The following WIZ variants were observed in gnomAD, a reference collection of about 807,000 sequenced individuals.
WIZ encodes the protein protein Wiz.
Under a neutral mutation model 140.2 loss-of-function variants are expected in WIZ, and 25 were observed. The ratio of observed to expected loss-of-function variants is 0.18; its 90% CI spans 0.13 to 0.25. The LOEUF (loss-of-function observed/expected upper bound fraction) is 0.25, where lower values mean the gene tolerates loss of function less well. WIZ is among the 10% of genes least tolerant of loss of function. The pLI is 1.00. For missense variants in WIZ, 2,231 were observed against 2,632.6 expected (o/e 0.85, Z 3.34); for synonymous variants, 1,125 against 1,154.3 (o/e 0.97, Z 0.51).
intron 5 of WIZ, among the ~76,000 whole-genome samples, chr19:15,435,055 C>T (rs557337986): frequency 1.2e-4 from 18 of 152,192 alleles, no homozygotes; most frequent in African/African-American, 3.9e-4. Flanking sequence ...AGTGAAACCT[C>T]GTCACTACTA....
Position 15,421,656 on chromosome 19 carries a change from G to C in WIZ, c.*1420C>G, listed in dbSNP as rs941589511. ...TGTTCCTTGGGTCAGGGGTGCATGT[G>C]TCTCACTAGAAGTCACATGTATTAA... is the stretch of plus-strand genomic sequence containing the variant. On this transcript the variant is annotated 3_prime_UTR_variant, in exon 13 of 13. Transcript: ENST00000673675. The C allele has an allele frequency of 7.2e-5, 11 of 152,204 alleles. No individual in the cohort carries two copies. Among genetic ancestry groups the C allele is most frequent in the African/African-American group, 2.7e-4 (11 of 41,456 alleles). The allele number at this position is 152,204 out of a possible 1,614,324, so 9.4% of individuals were successfully genotyped here. A position where few individuals can be genotyped will look rare whatever the true frequency, so the allele number is the denominator to read the frequency against.
rs1345173312 is a variant in WIZ at position 15,427,055 on chromosome 19, G to A, written c.4293C>T (p.Ala1431=). The stretch of plus-strand genomic sequence containing the variant: ...CAGATGGGTGCAGTTCCCCATGAAG[G>A]GCCCCCGGCAGCATCTCCCGCTTGA... ...VEIKREMLPG[A]LHGELHPSEG... The change falls in exon 9 of 13, where the codon GCC becomes GCT. Residue 1431 remains alanine (A), a synonymous_variant. Coordinates refer to ENST00000673675, the MANE Select transcript of WIZ (RefSeq NM_001371589.1). The surrounding 1 kb of genome is among the most constrained non-coding windows in gnomAD (Gnocchi z 6.4). 2 of 1,614,148 alleles carry A rather than the reference G, an allele frequency of 1.2e-6. No individual in the cohort carries two copies. The highest frequency in any genetic ancestry group is 1.3e-5 in the African/African-American group (1 of 75,038).
intron 5 of WIZ, chr19:15,432,576 G>A: frequency 3.9e-6 from 2 of 517,674 alleles, no homozygotes; most frequent in Middle Eastern, 1.0e-3. Context: ...GTGCCGCGGG[G>A]CCCGGGCTCG....
Position 15,440,253 on chromosome 19 carries a change from G to T in WIZ, c.741C>A (p.Ala247=), listed in dbSNP as rs745633208. 1.0e-3 allele frequency: 1,562 copies of T among 1,492,284 alleles called. 2 individuals are homozygous for T. The highest frequency in any genetic ancestry group is 1.2e-3 in the Non-Finnish European group (1,351 of 1,125,212). The allele number at this position is 1,492,284 out of a possible 1,614,324, so 92.4% of individuals were successfully genotyped here. The change falls in exon 4 of 13, where the codon GCC becomes GCA. Residue 247 remains alanine, a synonymous_variant. Coordinates refer to ENST00000673675, the MANE Select transcript of WIZ (RefSeq NM_001371589.1). The surrounding 1 kb of genome is among the most constrained non-coding windows in gnomAD (Gnocchi z 6.2). The part of the protein sequence containing the change: ...REDLEDLEGL[A]QPSEWGLPTS... ...TGGGTAGGCCCCACTCGGACGGCTG[G>T]GCCAGCCCCTCCAGGTCCTCCAGAT...
Position 15,428,161 on chromosome 19 carries a change from C to A in WIZ, c.3763G>T (p.Ala1255Ser), listed in dbSNP as rs534550387. The change falls in exon 8 of 13, where the codon GCC becomes TCC. Residue 1255 changes from alanine to serine, a missense_variant. Ala to Ser is a moderately conservative substitution (Grantham distance 99, BLOSUM62 1). Coordinates refer to ENST00000673675, the MANE Select transcript of WIZ (RefSeq NM_001371589.1). The surrounding 1 kb of genome is among the most constrained non-coding windows in gnomAD (Gnocchi z 6.4). ...WGKQDLSAAA[A>S]AGIFWASDVE... Reference sequence around the variant, plus strand: ...TCAGAGGCCCAGAAAATGCCGGCGGCTGCGGCGGCCGAGAGGTCCTGCTTC... The same window carrying A: ...TCAGAGGCCCAGAAAATGCCGGCGGATGCGGCGGCCGAGAGGTCCTGCTTC... 6.5e-7 allele frequency: 1 copy of A among 1,534,486 alleles called. No individual in the cohort carries two copies. The highest frequency in any genetic ancestry group is 1.4e-5 in the African/African-American group (1 of 73,096).
At chr19:15,447,978 G>T in intron 2 of WIZ, 125 bp downstream of exon 2, 2 of 1,112,502 alleles carry the variant, frequency 1.8e-6, no homozygotes, top group Non-Finnish European at 1.3e-6. Context: ...ACAAAGAAAA[G>T]GCTCTGGACC....
At position 15,440,532 on chromosome 19, in the gene WIZ, G is replaced by A. The variant is rs1599705024; in HGVS notation, c.462C>T (p.Pro154=). The A allele has an allele frequency of 1.3e-6, 2 of 1,536,166 alleles. No homozygotes were observed. Among genetic ancestry groups the A allele is most frequent in the Non-Finnish European group, 1.7e-6 (2 of 1,146,910 alleles). ...TTCTAGAGCCCTCTAGCTCAGCGTG[G>A]GGTTTCATGGTTCTCACAATGACTG... ...EDSVIVRTMK[P]HAELEGSRRF... Residue 154 remains proline, a synonymous_variant, in exon 4 of 13, where the codon CCC becomes CCT. Transcript: ENST00000673675. The surrounding 1 kb of genome is among the most constrained non-coding windows in gnomAD (Gnocchi z 6.2).
chr19:15,434,840 T>C (rs189697112), intron 5 of WIZ, among the ~76,000 whole-genome samples: 31 of 152,284 alleles, frequency 2.0e-4, no homozygotes, highest in African/African-American at 7.2e-4. Flanking sequence ...CAAGCCATCC[T>C]CCACTAGAGA....
At chr19:15,423,300 C>A in intron 12 of WIZ, 65 bp from the exon 13 acceptor site, 2 of 1,567,732 alleles carry the variant, frequency 1.3e-6, no homozygotes, top group Non-Finnish European at 8.7e-7. Context: ...CATAGCCTTG[C>A]CAGCATCCCT....
chr19:15,428,679 C>T lies in WIZ; in HGVS notation c.3416-171G>A, dbSNP rs1969020630. On this transcript the variant is annotated intron_variant, in intron 7 of 12. Coordinates refer to ENST00000673675, the MANE Select transcript of WIZ (RefSeq NM_001371589.1). This position sits in a 1 kb window ranked among gnomAD's most constrained non-coding sequence, Gnocchi z 6.4. The stretch of plus-strand genomic sequence containing the variant: ...GGAAGCAGGACATCCTGTTTCCTGC[C>T]TAGCCCTTTGGCATCGAGGGGAGTG... Among the ~76,000 whole-genome samples the T allele has an allele frequency of 6.6e-6, 1 of 152,198 alleles. No homozygotes were observed. The highest frequency in any genetic ancestry group is 1.5e-5 in the Non-Finnish European group (1 of 68,032).
chr19:15,434,771 C>T (rs1969458348), intron 5 of WIZ, among the ~76,000 whole-genome samples: 1 of 152,104 alleles, frequency 6.6e-6, no homozygotes, highest in South Asian at 2.1e-4. Context: ...CTTCACTTGT[C>T]CACTCCCTTT....
intron 3 of WIZ, among the ~76,000 whole-genome samples, chr19:15,441,006 G>A (rs545214492): frequency 1.3e-5 from 2 of 152,246 alleles, no homozygotes; most frequent in South Asian, 2.1e-4. Context: ...CGGGGATGTG[G>A]CCACCTCTAA....
At position 15,425,722 on chromosome 19, in the gene WIZ, G is replaced by A. The variant is rs772254194; in HGVS notation, c.4413C>T (p.Gly1471=). 43 of 1,610,280 alleles carry A rather than the reference G, an allele frequency of 2.7e-5. No homozygotes were observed. Among genetic ancestry groups the A allele is most frequent in the Non-Finnish European group, 3.6e-5 (42 of 1,178,544 alleles). ...PVRDIRCEFC[G]EFFENRKGLS... ...GGCCCTTGCGGTTCTCGAAGAACTC[G>A]CCGCAGAACTCACAGCGGATGTCGC... The change falls in exon 10 of 13, where the codon GGC becomes GGT. Residue 1471 remains glycine, a synonymous_variant. Transcript: ENST00000673675.
chr19:15,437,157 G>T, intron 4 of WIZ, 28 bp from the exon 5 acceptor site: 1 of 1,539,046 alleles, frequency 6.5e-7, no homozygotes. Context: ...GACTGCCTGA[G>T]GTGGAGAGGG....
Position 15,425,768 on chromosome 19 carries a change from G to A in WIZ, c.4367C>T (p.Ser1456Leu), listed in dbSNP as rs770475803. ...GTCGCGCACCGGCTCTGCCCGGGACGCTGCAGGGGATCCAGGGTAGGGGGA... is the reference window on the plus strand; with the variant it reads ...GTCGCGCACCGGCTCTGCCCGGGACACTGCAGGGGATCCAGGGTAGGGGGA... Reference protein sequence around the residue: ...PREDMTPLNLSSRAEPVRDIR... With the variant: ...PREDMTPLNLLSRAEPVRDIR... Residue 1456 changes from serine to leucine, a missense_variant and splice_region_variant, in exon 10 of 13, where the codon TCG becomes TTG. Around this residue, in one of 15 missense-constraint regions of WIZ, gnomAD observed 393 missense variants for 451.7 expected, o/e 0.87. Coordinates refer to ENST00000673675, the MANE Select transcript of WIZ (RefSeq NM_001371589.1). 10 of 1,560,706 alleles carry A rather than the reference G, an allele frequency of 6.4e-6. No homozygotes were observed. Among genetic ancestry groups the A allele is most frequent in the African/African-American group, 1.4e-5 (1 of 72,862 alleles).
At chr19:15,434,240 A>C (rs997273690) in intron 5 of WIZ, among the ~76,000 whole-genome samples, 1 of 146,762 alleles carries the variant, frequency 6.8e-6, no homozygotes, top group Non-Finnish European at 1.5e-5. Flanking sequence ...CTTGGGCGAC[A>C]GAGCAGGACT....
Position 15,431,011 on chromosome 19 carries a change from C to T in WIZ, c.2911+1G>A. On this transcript the variant is annotated splice_donor_variant, in intron 6 of 12. Coordinates refer to ENST00000673675, the MANE Select transcript of WIZ (RefSeq NM_001371589.1). LOFTEE classifies it high-confidence loss of function. ...CCTGCCATGCCACCTGGGCCACTCACCCTTGAGGTCCTGCAGCTCCTGTTT... is the reference window on the plus strand; with the variant it reads ...CCTGCCATGCCACCTGGGCCACTCATCCTTGAGGTCCTGCAGCTCCTGTTT... 1 of 1,532,094 alleles carries T rather than the reference C, an allele frequency of 6.5e-7. No individual in the cohort carries two copies. Among genetic ancestry groups the T allele is most frequent in the South Asian group, 1.2e-5 (1 of 83,428 alleles). The allele number at this position is 1,532,094 out of a possible 1,614,324, so 94.9% of individuals were successfully genotyped here.
Position 15,448,300 on chromosome 19 carries a change from C to T in WIZ, c.8G>A (p.Gly3Glu). 1 of 1,612,324 alleles carries T rather than the reference C, an allele frequency of 6.2e-7. No individual in the cohort carries two copies. The highest frequency in any genetic ancestry group is 8.5e-7 in the Non-Finnish European group (1 of 1,179,812). The stretch of plus-strand genomic sequence containing the variant: ...TGCAGCCAGGCTGCCTGCCAGAGAC[C>T]CCTCCATCGGATTTTCTCTGCTTGG... ME[G>E]SLAGSLAAPD... is the part of the protein sequence containing the mutation. Residue 3 changes from glycine to glutamate, a missense_variant, in exon 2 of 13, where the codon GGG becomes GAG. Transcript: ENST00000673675.
At chr19:15,426,664 A>T (rs1340023731) in intron 9 of WIZ, among the ~76,000 whole-genome samples, 1 of 152,212 alleles carries the variant, frequency 6.6e-6, no homozygotes, top group Non-Finnish European at 1.5e-5. Flanking sequence ...AGCAGACATC[A>T]CTAATGGATC....
Sources: allele counts gnomAD v4.1 joint callset (sites outside exome capture counted in the v4.1 genomes callset), GRCh38; gene constraint gnomAD v4.1.1; regional missense constraint gnomAD v4.1.1; non-coding constraint Gnocchi (gnomAD v3.1); transcripts MANE v1.5; gene names NCBI Gene and HGNC (gene_info 2026-07-23, HGNC 2026-07-21).